Variants in NRDE2 observed in about 807,000 individuals in gnomAD.
The protein encoded by NRDE2 is nuclear exosome regulator NRDE2.
Under a neutral mutation model 124.2 loss-of-function variants are expected in NRDE2, and 76 were observed. The ratio of observed to expected loss-of-function variants is 0.61; its 90% CI spans 0.51 to 0.74. The LOEUF (loss-of-function observed/expected upper bound fraction) is 0.74. Ranked by LOEUF, NRDE2 falls within the 30% of genes least tolerant of loss-of-function variation. The pLI is 0.00. For synonymous variants in NRDE2, 489 were observed against 528.1 expected (o/e 0.93, Z 1.01); for missense variants, 1,314 against 1,417.3 (o/e 0.93, Z 1.17).
At chr14:90,280,562 A>G (rs2139664813) in intron 12 of NRDE2, 1 of 152,404 alleles carries the variant, frequency 6.6e-6, no homozygotes, top group Admixed American at 6.5e-5. Flanking sequence ...AGCCTCCATC[A>G]GCGCTGGAGA....
rs746700041 is a variant in NRDE2 at position 90,289,161 on chromosome 14, G to T, written c.2230-16C>A. On this transcript the variant is annotated splice_polypyrimidine_tract_variant and intron_variant, in intron 10 of 13. Transcript: ENST00000354366. The stretch of plus-strand genomic sequence containing the variant: ...ACCAAATGACCTACAGGGAAAAAGA[G>T]AAGAATGACTGCAGGTGCTCTGTAA... The T allele has an allele frequency of 6.3e-7, 1 of 1,576,970 alleles. No homozygotes were observed. The highest frequency in any genetic ancestry group is 1.7e-4 in the Middle Eastern group (1 of 5,908).
chr14:90,287,033 CAAAAA>C (rs60863011), intron 11 of NRDE2, among the ~76,000 whole-genome samples: 2 of 23,816 alleles, frequency 8.4e-5, no homozygotes, highest in Non-Finnish European at 1.7e-4. Context: ...GACTCCGTCT[CAAAAA>C]AAAAAAAAAA....
chr14:90,297,940 CAAA>C (rs58242184), intron 8 of NRDE2, among the ~76,000 whole-genome samples: 26 of 96,492 alleles, frequency 2.7e-4, no homozygotes, highest in South Asian at 3.6e-4. Context: ...GATTCTGTCT[CAAA>C]AAAAAAAAAA....
intron 13 of NRDE2, 102 bp from the exon 14 acceptor site, chr14:90,278,563 T>G: frequency 6.8e-7 from 1 of 1,466,748 alleles, no homozygotes; most frequent in African/African-American, 1.4e-5. Flanking sequence ...CCTGCCCTCC[T>G]GTCGCCCTCC....
At chr14:90,322,686 G>T (rs1885285199) in intron 1 of NRDE2, among the ~76,000 whole-genome samples, 1 of 152,138 alleles carries the variant, frequency 6.6e-6, no homozygotes, top group Non-Finnish European at 1.5e-5. Context: ...GTATAGTGGG[G>T]AACAAGAAAG....
intron 5 of NRDE2, among the ~76,000 whole-genome samples, chr14:90,303,556 A>G (rs1415746486): frequency 6.6e-6 from 1 of 152,140 alleles, no homozygotes; most frequent in Non-Finnish European, 1.5e-5. Flanking sequence ...CTCTTTCACA[A>G]TTCCGTGAGC....
In NRDE2 at chr14:90,302,765, T is replaced by A. The variant is rs746785589; in HGVS notation, c.1366A>T (p.Ile456Phe). ...CCAGGCAACGCAGGGTGAGATAAGATGCTGCCGTCCTTAACAGCAGACAAA... is the reference window on the plus strand; with the variant it reads ...CCAGGCAACGCAGGGTGAGATAAGAAGCTGCCGTCCTTAACAGCAGACAAA... ...STLSAVKDGS[I>F]LSHPALPGTE... Residue 456 changes from isoleucine to phenylalanine, a missense_variant, in exon 6 of 14, where the codon ATC becomes TTC. Ile to Phe is a conservative substitution (Grantham distance 21, BLOSUM62 0). Coordinates refer to ENST00000354366, the MANE Select transcript of NRDE2 (RefSeq NM_017970.4). The A allele has an allele frequency of 6.2e-7, 1 of 1,613,950 alleles. No homozygotes were observed. The highest frequency in any genetic ancestry group is 8.5e-7 in the Non-Finnish European group (1 of 1,179,888).
rs552621257 is a variant in NRDE2 at position 90,292,855 on chromosome 14, G to A, written c.1684C>T (p.Pro562Ser). The A allele has an allele frequency of 5.6e-6, 9 of 1,613,782 alleles. No homozygotes were observed. The East Asian group carries it at 6.7e-5, about 12-fold the overall frequency. Residue 562 changes from proline to serine, a missense_variant, in exon 9 of 14, where the codon CCA (proline) becomes TCA (serine). Physicochemically the swap from Pro to Ser is moderately conservative, Grantham distance 74. Transcript: ENST00000354366. ...TTTATTTCCTGGTCATCCTCTTCTG[G>A]TTCATCGTCATCCTCATCTAGACAA... ...VINPDEDDDE[P>S]EEDDQEIKDK...
intron 8 of NRDE2, 102 bp downstream of exon 8, chr14:90,298,158 G>T: frequency 8.1e-7 from 1 of 1,227,428 alleles, no homozygotes. Flanking sequence ...GCAATATTCT[G>T]AAGCTACTGA....
Position 90,269,072 on chromosome 14 carries a change from C to T in NRDE2, c.*9264G>A. On this transcript the variant is annotated 3_prime_UTR_variant, in exon 14 of 14. Transcript: ENST00000354366. ...CCTGCAGCATTTTTTATAAGGAATA[C>T]ATGCTGTATAAGGCCTTTTTCTCTT... 1 of 202,990 alleles carries T rather than the reference C, an allele frequency of 4.9e-6. No homozygotes were observed. The highest frequency in any genetic ancestry group is 9.9e-6 in the Non-Finnish European group (1 of 101,330). 12.6% of individuals were successfully genotyped at this position (202,990 alleles called of 1,614,324 possible). A position where few individuals can be genotyped will look rare whatever the true frequency, so the allele number is the denominator to read the frequency against.
intron 1 of NRDE2, among the ~76,000 whole-genome samples, chr14:90,329,061 AAAAG>A (rs1183783185): frequency 2.6e-5 from 4 of 152,212 alleles, no homozygotes; most frequent in Admixed American, 1.3e-4. Context: ...ATATTTTTTC[AAAAG>A]ACAATACTTT....
rs1885714078 is a variant in NRDE2 at position 90,331,806 on chromosome 14, C to T, written c.64+35G>A. 3.1e-6 allele frequency: 5 copies of T among 1,611,346 alleles called. No homozygotes were observed. In the South Asian group the frequency reaches 5.5e-5, roughly 18 times the overall value. On this transcript the variant is annotated intron_variant, in intron 1 of 13. Coordinates refer to ENST00000354366, the MANE Select transcript of NRDE2 (RefSeq NM_017970.4). ...GCCCGAGAAACAGCCTCTTAAGCCCCCCAGGTGCCTTCTTCGGCTCGTTTG... is the reference window on the plus strand; with the variant it reads ...GCCCGAGAAACAGCCTCTTAAGCCCTCCAGGTGCCTTCTTCGGCTCGTTTG...
At position 90,311,570 on chromosome 14, in the gene NRDE2, G is replaced by A. The variant is rs190070268; in HGVS notation, c.557+824C>T. On this transcript the variant is annotated intron_variant, in intron 4 of 13. Transcript: ENST00000354366. ...CTTCTCCACCTTCCACCATGATTGC[G>A]AGGTCTCCTCAACCACGTGGAACTG... Among the ~76,000 whole-genome samples the A allele has an allele frequency of 4.6e-5, 7 of 152,244 alleles. 1 individual carries two copies. The East Asian group carries it at 7.7e-4, about 17-fold the overall frequency.
At chr14:90,330,696 C>A (rs904026271) in intron 1 of NRDE2, among the ~76,000 whole-genome samples, 1 of 151,652 alleles carries the variant, frequency 6.6e-6, no homozygotes, top group African/African-American at 2.4e-5. Flanking sequence ...ACCAGTAGTT[C>A]CAGCTATTCA....
rs1032513873 is a variant in NRDE2 at position 90,272,119 on chromosome 14, C to G, written c.*6217G>C. 143 of 684,186 alleles carry G rather than the reference C, an allele frequency of 2.1e-4. 1 individual carries two copies. Among genetic ancestry groups the G allele is most frequent in the Non-Finnish European group, 2.4e-5 (10 of 425,036 alleles). 42.4% of individuals were successfully genotyped at this position (684,186 alleles called of 1,614,324 possible). A position where few individuals can be genotyped will look rare whatever the true frequency, so the allele number is the denominator to read the frequency against. Reference sequence around the variant, plus strand: ...GTGTTGGCCAGGCTGGTCTTGAACTCCTGACCTTAGGCGATCCACCTGCCT... The same window carrying G: ...GTGTTGGCCAGGCTGGTCTTGAACTGCTGACCTTAGGCGATCCACCTGCCT... On this transcript the variant is annotated 3_prime_UTR_variant, in exon 14 of 14. Coordinates refer to ENST00000354366, the MANE Select transcript of NRDE2 (RefSeq NM_017970.4). This position sits in a 1 kb window ranked among gnomAD's most constrained non-coding sequence, Gnocchi z 4.5.
At position 90,270,140 on chromosome 14, in the gene NRDE2, C is replaced by G; in HGVS notation, c.*8196G>C. On this transcript the variant is annotated 3_prime_UTR_variant, in exon 14 of 14. Transcript: ENST00000354366. ...AAGGAGATGGGCTGAGGCCTCTGAG[C>G]CATGGCCGAGCCTGGGTTTGGATGT... 1 of 1,586,874 alleles carries G rather than the reference C, an allele frequency of 6.3e-7. No individual in the cohort carries two copies. The highest frequency in any genetic ancestry group is 1.7e-5 in the Admixed American group (1 of 58,926).
At chr14:90,304,489 T>A in intron 4 of NRDE2, 107 bp from the exon 5 acceptor site, 1 of 735,374 alleles carries the variant, frequency 1.4e-6, no homozygotes, top group Non-Finnish European at 2.2e-6. Flanking sequence ...TCACTGCATA[T>A]AACCAAATTC....
intron 12 of NRDE2, among the ~76,000 whole-genome samples, chr14:90,285,369 T>C (rs1180961517): frequency 4.9e-5 from 7 of 144,178 alleles, no homozygotes; most frequent in African/African-American, 1.8e-4. Context: ...TGGCATGACC[T>C]TGGCTCACTG....
At chr14:90,297,851 G>T (rs111905840) in intron 8 of NRDE2, among the ~76,000 whole-genome samples, 10 of 150,504 alleles carry the variant, frequency 6.6e-5, no homozygotes, top group African/African-American at 2.2e-4. Context: ...TGACGCATGA[G>T]AATTGCTTGA....
Sources: gnomAD v4.1 joint callset for allele counts (sites outside exome capture counted in the v4.1 genomes callset) on GRCh38, gnomAD v4.1.1 for gene constraint, Gnocchi (gnomAD v3.1) non-coding constraint, MANE v1.5 for transcripts, NCBI Gene and HGNC (gene_info 2026-07-23, HGNC 2026-07-21) for gene names.